The following DNAI7 variants were observed in gnomAD, a reference collection of about 807,000 sequenced individuals.
DNAI7 encodes dynein axonemal intermediate chain 7, also known as cancer susceptibility 1.
Under a neutral mutation model 86.6 loss-of-function variants are expected in DNAI7, and 78 were observed. The ratio of observed to expected loss-of-function variants is 0.90; its 90% CI spans 0.75 to 1.09. The LOEUF is 1.09. Among genes scored for constraint, DNAI7 ranks in the 50% least tolerant of loss-of-function variants. DNAI7 has a pLI of 0.00. For synonymous variants in DNAI7, 274 were observed against 273.0 expected, an observed-to-expected ratio of 1.00 and a Z score of -0.04; for missense variants, 753 against 810.2, an observed-to-expected ratio of 0.93 and a Z score of 0.86.
At chr12:25,124,150 A>G (rs1941746830) in intron 9 of DNAI7, among the ~76,000 whole-genome samples, 1 of 151,890 alleles carries the variant, frequency 6.6e-6, no homozygotes, top group Non-Finnish European at 1.5e-5. Flanking sequence ...ATAACCTTAT[A>G]CCAGAGTTCT....
chr12:25,116,656 C>T (rs541107040), intron 12 of DNAI7, among the ~76,000 whole-genome samples: 4 of 152,128 alleles, frequency 2.6e-5, no homozygotes, highest in African/African-American at 9.7e-5. Context: ...CGTGACACCA[C>T]GCCTGGCTAA....
At chr12:25,163,740 C>T (rs1411172087) in intron 2 of DNAI7, among the ~76,000 whole-genome samples, 1 of 152,168 alleles carries the variant, frequency 6.6e-6, no homozygotes, top group Non-Finnish European at 1.5e-5. Flanking sequence ...ACCAACCAGC[C>T]CAAGGAACAT....
At position 25,111,785 on chromosome 12, in the gene DNAI7, A is replaced by G. The variant is rs1938880909; in HGVS notation, c.1766T>C (p.Ile589Thr). The change falls in exon 14 of 16, where the codon ATT becomes ACT. Residue 589 changes from isoleucine to threonine, a missense_variant. Coordinates refer to ENST00000395987, the MANE Select transcript of DNAI7 (RefSeq NM_018272.5). ...ATTCATTCTTGCCTTATTGTTTATA[A>G]TAACATAAAAATGAGAGTGTCTAGT... ...FPTRHSHFYV[I>T]INNKVPLVEV... is the part of the protein sequence containing the mutation. The G allele has an allele frequency of 3.2e-6, 5 of 1,583,044 alleles. No individual in the cohort carries two copies. The highest frequency in any genetic ancestry group is 4.3e-6 in the Non-Finnish European group (5 of 1,168,290).
chr12:25,152,821 T>C (rs1423875195), intron 6 of DNAI7, among the ~76,000 whole-genome samples: 1 of 152,148 alleles, frequency 6.6e-6, no homozygotes, highest in African/African-American at 2.4e-5. Context: ...GTTGGATAAT[T>C]GGTTGGTGTG....
intron 9 of DNAI7, among the ~76,000 whole-genome samples, chr12:25,126,236 A>T (rs891420542): frequency 6.6e-6 from 1 of 152,136 alleles, no homozygotes; most frequent in Non-Finnish European, 1.5e-5. Context: ...CTGAGGCTGG[A>T]GAGATGCAGG....
At chr12:25,159,442 AAAAG>A (rs988874964) in intron 3 of DNAI7, among the ~76,000 whole-genome samples, 4 of 152,242 alleles carry the variant, frequency 2.6e-5, no homozygotes, top group Admixed American at 6.5e-5. Flanking sequence ...AAGAAAAAAA[AAAAG>A]AAAGAAAGTA....
chr12:25,114,221 G>T (rs187061445), intron 13 of DNAI7, among the ~76,000 whole-genome samples: 1 of 152,182 alleles, frequency 6.6e-6, no homozygotes, highest in African/African-American at 2.4e-5. Context: ...TTCCAGGCGT[G>T]AGCCACTGCG....
At chr12:25,164,362 T>C (rs1947189738) in intron 2 of DNAI7, among the ~76,000 whole-genome samples, 1 of 150,886 alleles carries the variant, frequency 6.6e-6, no homozygotes, top group Non-Finnish European at 1.5e-5. Context: ...TCTCTGTGTC[T>C]CTACTCTCTC....
At chr12:25,139,435 G>A (rs1943929610) in intron 9 of DNAI7, among the ~76,000 whole-genome samples, 1 of 152,132 alleles carries the variant, frequency 6.6e-6, no homozygotes, top group African/African-American at 2.4e-5. Context: ...CAATATCCCT[G>A]ATGAACATAG....
chr12:25,110,903 GCA>G (rs948463401), intron 14 of DNAI7, among the ~76,000 whole-genome samples: 6 of 151,998 alleles, frequency 3.9e-5, no homozygotes, highest in African/African-American at 1.2e-4. Context: ...ATAGTGCCTA[GCA>G]CACAGTGTTC....
intron 11 of DNAI7, 104 bp from the exon 12 acceptor site, chr12:25,119,405 G>T: frequency 1.6e-6 from 1 of 633,592 alleles, no homozygotes. Context: ...AAGCACTGCA[G>T]TTTGATCCTA....
At chr12:25,123,772 C>G (rs942555474) in intron 9 of DNAI7, among the ~76,000 whole-genome samples, 6 of 152,074 alleles carry the variant, frequency 3.9e-5, no homozygotes, top group African/African-American at 1.2e-4. Context: ...GACTTTATGT[C>G]TAAATCTGCC....
At chr12:25,153,314 G>A (rs943674377) in intron 6 of DNAI7, among the ~76,000 whole-genome samples, 2 of 152,072 alleles carry the variant, frequency 1.3e-5, no homozygotes, top group African/African-American at 4.8e-5. Context: ...TCCAGCTATT[G>A]GGAGGCTGAG....
rs755685823 is a variant in DNAI7, at chr12:25,144,665, AAC to A, written c.700_701del (p.Val234Ter). 3.1e-6 allele frequency: 5 copies of A among 1,612,918 alleles called. No individual in the cohort carries two copies. The highest frequency in any genetic ancestry group is 3.3e-4 in the Middle Eastern group (2 of 6,062). On this transcript the variant is annotated frameshift_variant, in exon 9 of 16. Transcript: ENST00000395987. LOFTEE classifies it high-confidence loss of function. The part of the protein sequence containing the change: ...NLKKNPRHRS[V>X]RFSETQIGFE... ...ATCCAATTTGTGTTTCAGAGAATCTAACACTTCTGTGCCTGTTAATAATTAAT... is the reference window on the plus strand; with the variant it reads ...ATCCAATTTGTGTTTCAGAGAATCTAACTTCTGTGCCTGTTAATAATTAAT...
rs557704639 is a variant in DNAI7, at chr12:25,112,446, G to C, written c.1612-507C>G. On this transcript the variant is annotated intron_variant, in intron 13 of 15. Coordinates refer to ENST00000395987, the MANE Select transcript of DNAI7 (RefSeq NM_018272.5). The stretch of plus-strand genomic sequence containing the variant: ...TTTTGAGACGGAGTCTCCCTCTGTC[G>C]CCCAGGCTGGAGTGCAGTGGTGTGA... Among the ~76,000 whole-genome samples the C allele has an allele frequency of 2.5e-5, 3 of 119,106 alleles. No individual in the cohort carries two copies. The Admixed American group carries it at 3.3e-4, about 13-fold the overall frequency. The allele number at this position is 119,106 out of a possible 152,430, so 78.1% of individuals were successfully genotyped here.
intron 2 of DNAI7, among the ~76,000 whole-genome samples, chr12:25,161,877 T>C (rs1250764823): frequency 6.6e-6 from 1 of 151,868 alleles, no homozygotes; most frequent in African/African-American, 2.4e-5. Flanking sequence ...GCTAAAGAGT[T>C]TGGACATCAT....
chr12:25,179,911 C>T lies in DNAI7; in HGVS notation c.21+10703G>A, dbSNP rs1269082091. Among the ~76,000 whole-genome samples, 4 of 152,228 alleles carry T rather than the reference C, an allele frequency of 2.6e-5. No individual in the cohort carries two copies. The East Asian group carries it at 7.7e-4, about 29-fold the overall frequency. On this transcript the variant is annotated intron_variant, in intron 2 of 15. Coordinates refer to ENST00000395987, the MANE Select transcript of DNAI7 (RefSeq NM_018272.5). ...AAAAGGGTGTCCACTCTCATCATTC[C>T]TATTCAATAGTACTGGAAATCCTAG...
intron 13 of DNAI7, among the ~76,000 whole-genome samples, chr12:25,113,772 G>A (rs773320948): frequency 2.6e-5 from 4 of 151,762 alleles, no homozygotes; most frequent in Non-Finnish European, 1.5e-5. Flanking sequence ...TTACAGACTG[G>A]TACAACTATC....
intron 6 of DNAI7, among the ~76,000 whole-genome samples, chr12:25,152,188 A>G (rs1945632508): frequency 6.6e-6 from 1 of 152,216 alleles, no homozygotes; most frequent in Admixed American, 6.5e-5. Context: ...GTTATTTATA[A>G]TAAGCCCTTT....
Sources: gnomAD v4.1 joint callset for allele counts (sites outside exome capture counted in the v4.1 genomes callset) on GRCh38, gnomAD v4.1.1 for gene constraint, MANE v1.5 for transcripts, NCBI Gene and HGNC (gene_info 2026-07-23, HGNC 2026-07-21) for gene names.